The following ADAM10 variants were observed in gnomAD, a reference collection of about 807,000 sequenced individuals.
The protein encoded by ADAM10 is ADAM metallopeptidase domain 10.
Under a neutral mutation model 90.1 loss-of-function variants are expected in ADAM10, and 17 were observed. The ratio of observed to expected loss-of-function variants is 0.19; its 90% CI spans 0.13 to 0.28. ADAM10 has a LOEUF of 0.28. ADAM10 is among the 10% of genes least tolerant of loss of function. The pLI is 1.00. For missense variants in ADAM10, 610 were observed against 914.3 expected (o/e 0.67, Z 4.29); for synonymous variants, 310 against 298.6 (o/e 1.04, Z -0.40).
Position 58,598,992 on chromosome 15 carries a change from C to A in ADAM10, c.2152+606G>T, listed in dbSNP as rs1016370381. On this transcript the variant is annotated intron_variant, in intron 15 of 15. Coordinates refer to ENST00000260408, the MANE Select transcript of ADAM10 (RefSeq NM_001110.4). The stretch of plus-strand genomic sequence containing the variant: ...AAGCATCACCCTGGGGGAAAATAAG[C>A]TTATGTGCCAGAAAATATTTCAAGA... 3.9e-5 allele frequency among the ~76,000 whole-genome samples: 6 copies of A among 152,262 alleles called. No homozygotes were observed. In the South Asian group the frequency reaches 1.2e-3, roughly 32 times the overall value.
intron 11 of ADAM10, among the ~76,000 whole-genome samples, chr15:58,615,993 G>A (rs559306080): frequency 6.6e-6 from 1 of 152,168 alleles, no homozygotes; most frequent in Non-Finnish European, 1.5e-5. Context: ...GGGTGACAGA[G>A]CAAGACCCTG....
intron 4 of ADAM10, among the ~76,000 whole-genome samples, chr15:58,671,570 TCACTTATAAG>T (rs1423865019): frequency 6.6e-6 from 1 of 152,206 alleles, no homozygotes; most frequent in Non-Finnish European, 1.5e-5. Flanking sequence ...CTGTAACTCA[TCACTTATAAG>T]AGTTGAGCCT....
intron 2 of ADAM10, among the ~76,000 whole-genome samples, chr15:58,707,772 A>C (rs1042213331): frequency 6.6e-6 from 1 of 152,216 alleles, no homozygotes; most frequent in African/African-American, 2.4e-5. Context: ...TGGCAAGTAA[A>C]CTACTATGTA....
intron 5 of ADAM10, among the ~76,000 whole-genome samples, chr15:58,660,721 T>A (rs1030181947): frequency 3.3e-5 from 5 of 152,366 alleles, no homozygotes; most frequent in Non-Finnish European, 7.4e-5. Context: ...TTTGATTTAT[T>A]TTATTAACAT....
chr15:58,603,395 AC>A (rs1488788954), intron 14 of ADAM10, among the ~76,000 whole-genome samples: 4 of 152,124 alleles, frequency 2.6e-5, no homozygotes, highest in African/African-American at 9.7e-5. Context: ...TCTGACAACA[AC>A]CGTACATTTC....
At chr15:58,646,291 CAT>C in intron 5 of ADAM10, 87 bp from the exon 6 acceptor site, 2 of 1,341,670 alleles carry the variant, frequency 1.5e-6, no homozygotes, top group Middle Eastern at 4.8e-4. Flanking sequence ...TAAACAATTT[CAT>C]ATTCTGCTTT....
Position 58,591,765 on chromosome 15 carries a change from G to C in ADAM10, c.*5782C>G, listed in dbSNP as rs1894828543. Reference sequence around the variant, plus strand: ...TACATCGTATCATTTCATTTTTTAAGTGTTTCAATTTGCATCTCTAAAAGG... The same window carrying C: ...TACATCGTATCATTTCATTTTTTAACTGTTTCAATTTGCATCTCTAAAAGG... On this transcript the variant is annotated 3_prime_UTR_variant, in exon 16 of 16. Coordinates refer to ENST00000260408, the MANE Select transcript of ADAM10 (RefSeq NM_001110.4). 1 of 152,110 alleles carries C rather than the reference G, an allele frequency of 6.6e-6. No homozygotes were observed. The highest frequency in any genetic ancestry group is 2.1e-4 in the South Asian group (1 of 4,830). The allele number at this position is 152,110 out of a possible 1,614,324, so 9.4% of individuals were successfully genotyped here. A position where few individuals can be genotyped will look rare whatever the true frequency, so the allele number is the denominator to read the frequency against.
At position 58,749,528 on chromosome 15, in the gene ADAM10, A is replaced by G. The variant is rs1899910631; in HGVS notation, c.7T>C (p.Leu3=). Reference sequence around the variant, plus strand: ...AGGAGCAGAATTAACACTCTCAGCAACACCATCTTCCGCTGCCGCTGCCGC... The same window carrying G: ...AGGAGCAGAATTAACACTCTCAGCAGCACCATCTTCCGCTGCCGCTGCCGC... MV[L]LRVLILLLSW... The change falls in exon 1 of 16, where the codon TTG becomes CTG. Residue 3 remains leucine (L), a synonymous_variant. Coordinates refer to ENST00000260408, the MANE Select transcript of ADAM10 (RefSeq NM_001110.4). 1 of 1,553,074 alleles carries G rather than the reference A, an allele frequency of 6.4e-7. No homozygotes were observed. Among genetic ancestry groups the G allele is most frequent in the Non-Finnish European group, 8.7e-7 (1 of 1,148,000 alleles).
chr15:58,611,565 T>C, intron 12 of ADAM10: 1 of 468,940 alleles, frequency 2.1e-6, no homozygotes, highest in South Asian at 2.9e-5. Flanking sequence ...TATAGACAAA[T>C]CACATGCCGA....
chr15:58,748,566 GTGCAGGGGGGAGGGGGCACTGTTT>G (rs1197210353), intron 1 of ADAM10: 1 of 197,708 alleles, frequency 5.1e-6, no homozygotes, highest in Non-Finnish European at 1.0e-5. Flanking sequence ...TGACTTTCAT[GTGCAGGGGGGAGGGGGCACTGTTT>G]TGACAATCCA....
intron 1 of ADAM10, among the ~76,000 whole-genome samples, chr15:58,718,647 G>C (rs577355417): frequency 6.6e-6 from 1 of 152,224 alleles, no homozygotes; most frequent in South Asian, 2.1e-4. Flanking sequence ...GTAAGAAAAG[G>C]CACTACTTAT....
intron 14 of ADAM10, among the ~76,000 whole-genome samples, chr15:58,601,930 T>G (rs1318081651): frequency 6.6e-6 from 1 of 152,228 alleles, no homozygotes; most frequent in African/African-American, 2.4e-5. Flanking sequence ...TCTCGCTGCA[T>G]CCTATCAAGT....
intron 1 of ADAM10, among the ~76,000 whole-genome samples, chr15:58,738,249 G>A (rs1397453068): frequency 6.6e-6 from 1 of 152,116 alleles, no homozygotes; most frequent in Non-Finnish European, 1.5e-5. Context: ...GCATCATACT[G>A]TGTTGACCAA....
chr15:58,667,759 C>T (rs1270076419), intron 4 of ADAM10, among the ~76,000 whole-genome samples: 1 of 144,104 alleles, frequency 6.9e-6, no homozygotes, highest in East Asian at 2.0e-4. Context: ...AAAGGATAGG[C>T]TTTTTTTTTT....
intron 5 of ADAM10, among the ~76,000 whole-genome samples, chr15:58,648,313 T>C (rs2140700743): frequency 6.6e-6 from 1 of 152,328 alleles, no homozygotes. Flanking sequence ...GATTTTGATT[T>C]AGATGGTCTC....
chr15:58,667,692 G>A (rs1321552037), intron 4 of ADAM10, among the ~76,000 whole-genome samples: 4 of 151,810 alleles, frequency 2.6e-5, no homozygotes, highest in Admixed American at 2.6e-4. Context: ...CATGAAAATC[G>A]TCATTTATTC....
chr15:58,740,081 C>CA (rs1404876512), intron 1 of ADAM10, among the ~76,000 whole-genome samples: 1 of 152,154 alleles, frequency 6.6e-6, no homozygotes, highest in Non-Finnish European at 1.5e-5. Context: ...AGTGAAGACA[C>CA]AGATCAGTAA....
chr15:58,623,453 A>G (rs1428684363), intron 10 of ADAM10, among the ~76,000 whole-genome samples: 1 of 152,170 alleles, frequency 6.6e-6, no homozygotes, highest in African/African-American at 2.4e-5. Context: ...TATTTTTTAA[A>G]ATCTTGGAGG....
intron 1 of ADAM10, among the ~76,000 whole-genome samples, chr15:58,720,440 A>T (rs2140820708): frequency 6.7e-6 from 1 of 150,276 alleles, no homozygotes; most frequent in Admixed American, 6.7e-5. Flanking sequence ...TCGCTCTGTC[A>T]CCCAGACTGC....
Sources: allele counts gnomAD v4.1 joint callset (sites outside exome capture counted in the v4.1 genomes callset), GRCh38; gene constraint gnomAD v4.1.1; transcripts MANE v1.5; gene names NCBI Gene and HGNC (gene_info 2026-07-23, HGNC 2026-07-21).